ELMO1: variants seen among roughly 807,000 people sequenced by gnomAD.
The protein encoded by ELMO1 is engulfment and cell motility protein 1.
Under a neutral mutation model 98.9 loss-of-function variants are expected in ELMO1, and 26 were observed. The ratio of observed to expected loss-of-function variants is 0.26; its 90% CI spans 0.19 to 0.36. The LOEUF is 0.36. Ranked by LOEUF, ELMO1 falls within the 10% of genes least tolerant of loss-of-function variation. The probability of loss-of-function intolerance (pLI) is 1.00; values close to 1 mark genes in which losing one functional copy is unlikely to be tolerated. For missense variants in ELMO1, 627 were observed against 935.2 expected (o/e 0.67, Z 4.30); for synonymous variants, 346 against 346.0 (o/e 1.00, Z 0.00).
intron 14 of ELMO1, among the ~76,000 whole-genome samples, chr7:37,112,373 C>T (rs1785301815): frequency 6.6e-6 from 1 of 151,950 alleles, no homozygotes; most frequent in Non-Finnish European, 1.5e-5. Flanking sequence ...GATAAGTGGG[C>T]AAGCAGGGAA....
intron 13 of ELMO1, among the ~76,000 whole-genome samples, chr7:37,188,501 A>AAAAAAAAAAAAT (rs764889756): frequency 7.9e-6 from 1 of 125,960 alleles, no homozygotes; most frequent in Non-Finnish European, 1.6e-5. Flanking sequence ...AAAAAAAAAA[A>AAAAAAAAAAAAT]AATAATAATA....
In ELMO1 at chr7:36,913,682, C is replaced by G. The variant is rs116066844; in HGVS notation, c.1438-18665G>C. Among the ~76,000 whole-genome samples the G allele has an allele frequency of 4.1e-3, 624 of 152,296 alleles. 7 individuals carry two copies. The highest frequency in any genetic ancestry group is 0.014 in the African/African-American group (577 of 41,558). ...ACAGTTTGGAGAGGAGTTTGTGAAA[C>G]AGGCAAACCAGAAGGTCATGAGGAA... On this transcript the variant is annotated intron_variant, in intron 16 of 21. Transcript: ENST00000310758.
chr7:37,113,309 G>T lies in ELMO1; in HGVS notation c.1192-16582C>A, dbSNP rs183060482. Among the ~76,000 whole-genome samples, 29 of 152,332 alleles carry T rather than the reference G, an allele frequency of 1.9e-4. 1 individual carries two copies. In the East Asian group the frequency reaches 5.0e-3, roughly 26 times the overall value. ...GCCTGGCACTGCCCCGGGCACTGGG[G>T]TACCGCAGTGACACCATGGATACTC... is the stretch of plus-strand genomic sequence containing the variant. On this transcript the variant is annotated intron_variant, in intron 14 of 21. Transcript: ENST00000310758.
chr7:36,912,764 A>G (rs1784424541), intron 16 of ELMO1, among the ~76,000 whole-genome samples: 2 of 152,212 alleles, frequency 1.3e-5, no homozygotes, highest in Non-Finnish European at 2.9e-5. Flanking sequence ...ATCACCTCTG[A>G]GCCTTAATTT....
At chr7:37,121,061 G>A (rs1346436179) in intron 14 of ELMO1, among the ~76,000 whole-genome samples, 1 of 152,164 alleles carries the variant, frequency 6.6e-6, no homozygotes, top group Non-Finnish European at 1.5e-5. Flanking sequence ...TGCAGCTGAA[G>A]GTCCTGACTG....
intron 14 of ELMO1, among the ~76,000 whole-genome samples, chr7:37,103,921 A>G (rs1337161283): frequency 1.4e-5 from 2 of 144,338 alleles, no homozygotes; most frequent in Non-Finnish European, 3.0e-5. Context: ...GGAGAATGGC[A>G]TATGGCATGA....
chr7:37,142,441 T>C (rs138847000), intron 13 of ELMO1, among the ~76,000 whole-genome samples: 88 of 152,322 alleles, frequency 5.8e-4, no homozygotes, highest in African/African-American at 1.9e-3. Flanking sequence ...CTTATCCCGG[T>C]TCTACTGATG....
rs1793300325 is a variant in ELMO1, at chr7:37,216,656, T to C, written c.820A>G (p.Ile274Val). 6.2e-7 allele frequency: 1 copy of C among 1,614,142 alleles called. No individual in the cohort carries two copies. The highest frequency in any genetic ancestry group is 8.5e-7 in the Non-Finnish European group (1 of 1,180,010). The change falls in exon 11 of 22, where the codon ATC (isoleucine) becomes GTC (valine). Residue 274 changes from isoleucine to valine, a missense_variant. Ile to Val is a conservative substitution (Grantham distance 29). Around this residue, in one of 3 missense-constraint regions of ELMO1, gnomAD observed 492 missense variants for 715.6 expected, o/e 0.69. Coordinates refer to ENST00000310758, the MANE Select transcript of ELMO1 (RefSeq NM_014800.11). ...NILAQKQLRS[I>V]ILTHVIRAQR... ...GCATAGGTACTCACTGTTAAAATGA[T>C]GGAACGCAGTTGCTTCTGAGCCAAA... is the stretch of plus-strand genomic sequence containing the variant.
intron 13 of ELMO1, 136 bp from the exon 14 acceptor site, chr7:37,133,370 T>C (rs1563024441): frequency 1.6e-6 from 1 of 624,044 alleles, no homozygotes; most frequent in Non-Finnish European, 2.7e-6. Flanking sequence ...ACATTTTCTA[T>C]CTCCATGTAA....
intron 6 of ELMO1, among the ~76,000 whole-genome samples, chr7:37,258,174 A>G (rs1448967592): frequency 6.6e-6 from 1 of 152,112 alleles, no homozygotes. Flanking sequence ...AGCCTGAGGA[A>G]GGAGAATTGC....
intron 16 of ELMO1, among the ~76,000 whole-genome samples, chr7:36,917,973 A>G (rs191254555): frequency 5.3e-5 from 8 of 152,362 alleles, no homozygotes; most frequent in Non-Finnish European, 1.0e-4. Flanking sequence ...CTTACTTTCT[A>G]TATAGTCTAT....
intron 6 of ELMO1, among the ~76,000 whole-genome samples, chr7:37,253,351 G>C (rs1795461196): frequency 6.6e-6 from 1 of 152,152 alleles, no homozygotes; most frequent in African/African-American, 2.4e-5. Context: ...TGATAGACTG[G>C]ATAAAGAAAA....
chr7:37,408,113 A>G (rs776104216), intron 1 of ELMO1, among the ~76,000 whole-genome samples: 26 of 152,222 alleles, frequency 1.7e-4, no homozygotes, highest in Non-Finnish European at 2.6e-4. Flanking sequence ...TATCCACACT[A>G]TATTTGTAAC....
intron 15 of ELMO1, among the ~76,000 whole-genome samples, chr7:37,014,666 C>T (rs965269388): frequency 2.0e-5 from 3 of 152,034 alleles, no homozygotes; most frequent in African/African-American, 7.3e-5. Context: ...TGTTGTTCCC[C>T]TCCCTGTGTC....
At chr7:37,085,340 A>AT (rs951709572) in intron 15 of ELMO1, among the ~76,000 whole-genome samples, 1 of 151,080 alleles carries the variant, frequency 6.6e-6, no homozygotes, top group Non-Finnish European at 1.5e-5. Context: ...TTGTTTTTTT[A>AT]TTTTTTTTCC....
chr7:37,439,216 T>C (rs1261936798), intron 1 of ELMO1, among the ~76,000 whole-genome samples: 1 of 152,220 alleles, frequency 6.6e-6, no homozygotes. Flanking sequence ...ATCTTTTCCT[T>C]GCCTAAAAGC....
rs545825658 is a variant in ELMO1 at position 37,343,519 on chromosome 7, A to T, written c.-73-756T>A. Among the ~76,000 whole-genome samples the T allele has an allele frequency of 1.1e-4, 13 of 119,984 alleles. No homozygotes were observed. In the East Asian group the frequency reaches 2.9e-3, roughly 27 times the overall value. The allele number at this position is 119,984 out of a possible 152,430, so 78.7% of individuals were successfully genotyped here. A position where few individuals can be genotyped will look rare whatever the true frequency, so the allele number is the denominator to read the frequency against. On this transcript the variant is annotated intron_variant, in intron 1 of 21. Transcript: ENST00000310758. The stretch of plus-strand genomic sequence containing the variant: ...TTTTTTTTTTTTTTTTTTGAGGCAG[A>T]GCCTGGTTCTGTTGCCCAGTGGCGC...
At chr7:36,871,585 A>G (rs558678626) in intron 19 of ELMO1, among the ~76,000 whole-genome samples, 2 of 152,314 alleles carry the variant, frequency 1.3e-5, no homozygotes, top group Admixed American at 1.3e-4. Flanking sequence ...GAGAATGCCA[A>G]GTAATCAATT....
chr7:37,213,729 T>C (rs1341737456), intron 11 of ELMO1, among the ~76,000 whole-genome samples: 4 of 152,032 alleles, frequency 2.6e-5, no homozygotes, highest in Admixed American at 2.6e-4. Flanking sequence ...ATGGCAGCCA[T>C]ATAAGTCAAG....
Sources: gnomAD v4.1 joint callset for allele counts (sites outside exome capture counted in the v4.1 genomes callset) on GRCh38, gnomAD v4.1.1 for gene constraint, gnomAD v4.1.1 regional missense constraint, MANE v1.5 for transcripts, NCBI Gene and HGNC (gene_info 2026-07-23, HGNC 2026-07-21) for gene names.